KSR2: variants seen among roughly 807,000 people sequenced by gnomAD.
KSR2 encodes the protein kinase suppressor of ras 2.
In KSR2, 25 loss-of-function variants were observed where a neutral mutation model predicts 107.8. The observed-to-expected ratio is 0.23, with a 90% CI of 0.17 to 0.32. KSR2 has a LOEUF of 0.32. Ranked by LOEUF, KSR2 falls within the 10% of genes least tolerant of loss-of-function variation. The pLI is 1.00. For synonymous variants in KSR2, 480 were observed against 507.0 expected (o/e 0.95, Z 0.71); for missense variants, 887 against 1,268.9 (o/e 0.70, Z 4.57).
intron 3 of KSR2, among the ~76,000 whole-genome samples, chr12:117,808,600 C>G (rs1007611758): frequency 1.3e-5 from 2 of 152,170 alleles, no homozygotes; most frequent in African/African-American, 4.8e-5. Flanking sequence ...ATCTCACTAG[C>G]ATGATTACTT....
chr12:117,866,302 C>T (rs1002916539), intron 1 of KSR2, among the ~76,000 whole-genome samples: 12 of 152,172 alleles, frequency 7.9e-5, no homozygotes, highest in Non-Finnish European at 8.8e-5. Context: ...CTCCTCCTGC[C>T]TCAGCCTCCC....
chr12:117,877,370 T>A (rs1034466835), intron 1 of KSR2, among the ~76,000 whole-genome samples: 2 of 152,158 alleles, frequency 1.3e-5, no homozygotes, highest in East Asian at 3.9e-4. Context: ...GACATTTTAC[T>A]TTTTAAATTT....
At chr12:117,502,149 G>A (rs1403469378) in intron 14 of KSR2, among the ~76,000 whole-genome samples, 1 of 152,234 alleles carries the variant, frequency 6.6e-6, no homozygotes, top group Non-Finnish European at 1.5e-5. Context: ...GCAGGTGTAT[G>A]TCTGCGTCTG....
At chr12:117,894,150 C>G (rs576643593) in intron 1 of KSR2, among the ~76,000 whole-genome samples, 1 of 152,178 alleles carries the variant, frequency 6.6e-6, no homozygotes, top group Non-Finnish European at 1.5e-5. Flanking sequence ...ACCTCGTGAT[C>G]CACCCGCCTC....
chr12:117,628,174 C>T (rs1486786270), intron 5 of KSR2, among the ~76,000 whole-genome samples: 4 of 152,112 alleles, frequency 2.6e-5, no homozygotes, highest in African/African-American at 9.7e-5. Flanking sequence ...GAGTTTATTA[C>T]TGACCTTCTG....
rs894178709 is a variant in KSR2, at chr12:117,604,719, T to A, written c.1172-22360A>T. Among the ~76,000 whole-genome samples the A allele has an allele frequency of 3.3e-5, 5 of 152,286 alleles. No homozygotes were observed. In the East Asian group the frequency reaches 9.6e-4, roughly 29 times the overall value. On this transcript the variant is annotated intron_variant, in intron 5 of 19. Transcript: ENST00000339824. The stretch of plus-strand genomic sequence containing the variant: ...ACTATATATAATCTTTTATATAATA[T>A]ATAAAAATTGCAGTGTGCATGTCAT...
chr12:117,588,932 C>T (rs748291524), intron 5 of KSR2, among the ~76,000 whole-genome samples: 8 of 152,128 alleles, frequency 5.3e-5, no homozygotes, highest in Admixed American at 3.9e-4. Flanking sequence ...ACATATTTAC[C>T]GTATGTATCT....
chr12:117,954,930 C>T (rs1193276306), intron 1 of KSR2, among the ~76,000 whole-genome samples: 1 of 151,544 alleles, frequency 6.6e-6, no homozygotes, highest in Admixed American at 6.6e-5. Flanking sequence ...CACAGGAGAA[C>T]CACTTGAACC....
chr12:117,690,047 G>A (rs1885748997), intron 4 of KSR2, among the ~76,000 whole-genome samples: 1 of 151,974 alleles, frequency 6.6e-6, no homozygotes, highest in South Asian at 2.1e-4. Context: ...TGGAGGGAGG[G>A]AGGGAAGGAG....
chr12:117,939,944 A>AACACAC (rs10561468), intron 1 of KSR2, among the ~76,000 whole-genome samples: 1,751 of 140,142 alleles, frequency 0.012, 26 homozygotes, highest in African/African-American at 0.038. Flanking sequence ...CCATCTTAAA[A>AACACAC]ACACACACAC....
chr12:117,645,078 T>G (rs1433918088), intron 5 of KSR2, among the ~76,000 whole-genome samples: 1 of 152,224 alleles, frequency 6.6e-6, no homozygotes, highest in African/African-American at 2.4e-5. Context: ...TCCATCCATC[T>G]AATCAGAGCT....
Position 117,896,458 on chromosome 12 carries a change from A to ATT in KSR2, c.181-36029_181-36028dup, listed in dbSNP as rs1159176481. On this transcript the variant is annotated intron_variant, in intron 1 of 19. Coordinates refer to ENST00000339824, the MANE Select transcript of KSR2 (RefSeq NM_173598.6). ...AGAATTAGTGGTGGTTTCGCACAAC[A>ATT]TTTTTTTTTTTTTTTTTTGAGACGG... Among the ~76,000 whole-genome samples, 532 of 135,632 alleles carry ATT rather than the reference A, an allele frequency of 3.9e-3. 11 individuals are homozygous for ATT. Among genetic ancestry groups the ATT allele is most frequent in the East Asian group, 0.034 (160 of 4,638 alleles). The allele number at this position is 135,632 out of a possible 152,430, so 89.0% of individuals were successfully genotyped here.
rs971593121 is a variant in KSR2, at chr12:117,897,888, G to A, written c.181-37457C>T. Among the ~76,000 whole-genome samples, 1 of 152,076 alleles carries A rather than the reference G, an allele frequency of 6.6e-6. No homozygotes were observed. The highest frequency in any genetic ancestry group is 1.5e-5 in the Non-Finnish European group (1 of 68,022). ...TTGGCTTGAGAATATAGCCACCCAC[G>A]CGAAATGGTTGGCAGTCTATTGTAC... On this transcript the variant is annotated intron_variant, in intron 1 of 19. Coordinates refer to ENST00000339824, the MANE Select transcript of KSR2 (RefSeq NM_173598.6). This position sits in a 1 kb window ranked among gnomAD's most constrained non-coding sequence, Gnocchi z 4.5.
chr12:117,827,415 C>T (rs1057445826), intron 3 of KSR2, among the ~76,000 whole-genome samples: 2 of 152,160 alleles, frequency 1.3e-5, no homozygotes, highest in African/African-American at 4.8e-5. Flanking sequence ...CAGGCACTGG[C>T]GTCAAACAAC....
intron 4 of KSR2, among the ~76,000 whole-genome samples, chr12:117,669,232 G>GT (rs1772094050): frequency 6.6e-6 from 1 of 152,170 alleles, no homozygotes; most frequent in Admixed American, 6.5e-5. Context: ...ACGGGTAATA[G>GT]TATGATATTT....
intron 19 of KSR2, among the ~76,000 whole-genome samples, 171 bp from the exon 20 acceptor site, chr12:117,467,376 T>G (rs1301609632): frequency 6.6e-6 from 1 of 152,216 alleles, no homozygotes; most frequent in Non-Finnish European, 1.5e-5. Flanking sequence ...TACTATATGC[T>G]GGGCTCTGCC....
At chr12:117,691,344 T>C (rs1265899406) in intron 4 of KSR2, among the ~76,000 whole-genome samples, 1 of 152,168 alleles carries the variant, frequency 6.6e-6, no homozygotes, top group Non-Finnish European at 1.5e-5. Context: ...CAAAGAAAGA[T>C]GGTGCCAGGG....
In KSR2 at chr12:117,903,702, C is replaced by T. The variant is rs188718157; in HGVS notation, c.181-43271G>A. Among the ~76,000 whole-genome samples the T allele has an allele frequency of 5.9e-5, 9 of 152,262 alleles. No homozygotes were observed. In the East Asian group the frequency reaches 1.4e-3, roughly 23 times the overall value. The stretch of plus-strand genomic sequence containing the variant: ...AGCAGCATATTTTCTGAAATATGTA[C>T]ATTTAAAAAATAAGCCTTTGAGGCC... On this transcript the variant is annotated intron_variant, in intron 1 of 19. Transcript: ENST00000339824.
intron 1 of KSR2, among the ~76,000 whole-genome samples, chr12:117,935,712 A>G (rs748661688): frequency 6.6e-6 from 1 of 152,138 alleles, no homozygotes; most frequent in Admixed American, 6.6e-5. Context: ...GTGAGCCAAG[A>G]TTGCGCTACT....
Sources: allele counts gnomAD v4.1 joint callset (sites outside exome capture counted in the v4.1 genomes callset), GRCh38; gene constraint gnomAD v4.1.1; non-coding constraint Gnocchi (gnomAD v3.1); transcripts MANE v1.5; gene names NCBI Gene and HGNC (gene_info 2026-07-23, HGNC 2026-07-21).